Variants in ZCCHC7 observed in about 807,000 individuals in gnomAD.
The protein encoded by ZCCHC7 is zinc finger CCHC-type containing 7.
In ZCCHC7, 35 loss-of-function variants were observed where a neutral mutation model predicts 52.0. The observed-to-expected ratio is 0.67, with a 90% CI of 0.51 to 0.89. The LOEUF is 0.89. Among genes scored for constraint, ZCCHC7 ranks in the 40% least tolerant of loss-of-function variants. The pLI, the probability that ZCCHC7 is intolerant of heterozygous loss-of-function variation, is 0.00. For missense variants in ZCCHC7, 574 were observed against 649.1 expected (o/e 0.88, Z 1.26); for synonymous variants, 217 against 221.5 (o/e 0.98, Z 0.18).
intron 2 of ZCCHC7, among the ~76,000 whole-genome samples, chr9:37,198,130 G>T (rs528978115): frequency 5.9e-5 from 9 of 152,106 alleles, no homozygotes; most frequent in African/African-American, 2.2e-4. Context: ...CCTCTTACTT[G>T]TCCTAGAATC....
intron 2 of ZCCHC7, among the ~76,000 whole-genome samples, chr9:37,252,716 AG>A (rs1220118206): frequency 6.6e-6 from 1 of 152,216 alleles, no homozygotes; most frequent in Non-Finnish European, 1.5e-5. Context: ...CCCTTACGTC[AG>A]TCAGAGCTGA....
chr9:37,256,992 A>G (rs1826620849), intron 2 of ZCCHC7, among the ~76,000 whole-genome samples: 1 of 152,186 alleles, frequency 6.6e-6, no homozygotes, highest in Non-Finnish European at 1.5e-5. Context: ...AAAAGACAGA[A>G]GTTTATTGAC....
At chr9:37,234,186 A>G (rs559541207) in intron 2 of ZCCHC7, among the ~76,000 whole-genome samples, 64 of 152,070 alleles carry the variant, frequency 4.2e-4, no homozygotes, top group Non-Finnish European at 7.9e-4. Context: ...GGATTTATTG[A>G]CTCACTTAGG....
intron 2 of ZCCHC7, among the ~76,000 whole-genome samples, chr9:37,248,044 A>C (rs1826156928): frequency 6.6e-6 from 1 of 151,558 alleles, no homozygotes; most frequent in Non-Finnish European, 1.5e-5. Flanking sequence ...ATTAGAAAAC[A>C]AAAAAAAAGT....
rs74182940 is a variant in ZCCHC7, at chr9:37,303,655, C to CTTTTTTTTTTTTT, written c.655-520_655-508dup. On this transcript the variant is annotated intron_variant, in intron 3 of 8. Transcript: ENST00000336755. The stretch of plus-strand genomic sequence containing the variant: ...CACCTCCTTTTATGTTTTTCTACCT[C>CTTTTTTTTTTTTT]TTTTTTTTTTTTTTTTTTTTTTTTT... Among the ~76,000 whole-genome samples the CTTTTTTTTTTTTT allele has an allele frequency of 2.5e-4, 14 of 56,770 alleles. 1 individual carries two copies. Among genetic ancestry groups the CTTTTTTTTTTTTT allele is most frequent in the African/African-American group, 7.1e-4 (9 of 12,674 alleles). 37.2% of individuals were successfully genotyped at this position (56,770 alleles called of 152,430 possible). A position where few individuals can be genotyped will look rare whatever the true frequency, so the allele number is the denominator to read the frequency against.
intron 2 of ZCCHC7, among the ~76,000 whole-genome samples, chr9:37,299,462 A>G (rs959771924): frequency 6.6e-6 from 1 of 152,206 alleles, no homozygotes; most frequent in African/African-American, 2.4e-5. Context: ...AACACCACAC[A>G]GCAAATTAGC....
chr9:37,287,098 C>T lies in ZCCHC7; in HGVS notation c.611-15090C>T, dbSNP rs538661421. Among the ~76,000 whole-genome samples, 6 of 136,390 alleles carry T rather than the reference C, an allele frequency of 4.4e-5. No individual in the cohort carries two copies. The South Asian group carries it at 1.1e-3, about 24-fold the overall frequency. The allele number at this position is 136,390 out of a possible 152,430, so 89.5% of individuals were successfully genotyped here. A position where few individuals can be genotyped will look rare whatever the true frequency, so the allele number is the denominator to read the frequency against. On this transcript the variant is annotated intron_variant, in intron 2 of 8. Transcript: ENST00000336755. ...AGGCTGAAGTGCAGTGGTGTAATTA[C>T]TGCCCACTGCAACCTCTGCCTCCCG...
At chr9:37,146,363 A>C (rs988305512) in intron 2 of ZCCHC7, among the ~76,000 whole-genome samples, 5 of 151,874 alleles carry the variant, frequency 3.3e-5, no homozygotes, top group African/African-American at 1.2e-4. Context: ...CTGAGGAAAC[A>C]CTTTTCTACA....
chr9:37,279,838 G>T (rs1056674422), intron 2 of ZCCHC7, among the ~76,000 whole-genome samples: 1 of 151,796 alleles, frequency 6.6e-6, no homozygotes, highest in Non-Finnish European at 1.5e-5. Flanking sequence ...TTGAGACTAG[G>T]AATAGTAGTA....
At chr9:37,278,020 G>T (rs1277215882) in intron 2 of ZCCHC7, among the ~76,000 whole-genome samples, 1 of 88,002 alleles carries the variant, frequency 1.1e-5, no homozygotes, top group Non-Finnish European at 2.6e-5. Context: ...TTGTTTGTGT[G>T]TGTGTGTGTG....
chr9:37,307,977 G>A (rs1360733396), intron 5 of ZCCHC7, among the ~76,000 whole-genome samples: 1 of 152,154 alleles, frequency 6.6e-6, no homozygotes, highest in African/African-American at 2.4e-5. Flanking sequence ...TTGTACCAAT[G>A]TATCTACCTA....
intron 2 of ZCCHC7, among the ~76,000 whole-genome samples, chr9:37,147,137 A>G (rs1352211402): frequency 1.3e-5 from 2 of 151,972 alleles, no homozygotes; most frequent in African/African-American, 4.8e-5. Context: ...TGAATTATAT[A>G]TATCAATTTA....
chr9:37,145,683 A>G (rs572220925), intron 2 of ZCCHC7, among the ~76,000 whole-genome samples: 29 of 152,014 alleles, frequency 1.9e-4, no homozygotes, highest in African/African-American at 6.7e-4. Flanking sequence ...AGCATACCCA[A>G]CTTTTAAAAC....
At chr9:37,286,769 T>C (rs1163271686) in intron 2 of ZCCHC7, among the ~76,000 whole-genome samples, 2 of 151,104 alleles carry the variant, frequency 1.3e-5, no homozygotes, top group Non-Finnish European at 3.0e-5. Flanking sequence ...TTTTTATTAA[T>C]TTAATCTTGA....
At chr9:37,238,840 G>C (rs1016848693) in intron 2 of ZCCHC7, among the ~76,000 whole-genome samples, 1 of 152,148 alleles carries the variant, frequency 6.6e-6, no homozygotes, top group African/African-American at 2.4e-5. Context: ...TAGTTGCAAA[G>C]TTGTAGTAGG....
At chr9:37,200,472 A>C (rs905292214) in intron 2 of ZCCHC7, among the ~76,000 whole-genome samples, 2 of 152,148 alleles carry the variant, frequency 1.3e-5, no homozygotes, top group African/African-American at 4.8e-5. Flanking sequence ...GCTGTTCTCC[A>C]TCACCATCAT....
At chr9:37,149,520 T>C (rs1486837725) in intron 2 of ZCCHC7, among the ~76,000 whole-genome samples, 1 of 152,104 alleles carries the variant, frequency 6.6e-6, no homozygotes, top group African/African-American at 2.4e-5. Flanking sequence ...TTGAAGTCTC[T>C]CCAGGCTTTT....
At chr9:37,341,208 G>T (rs1164709050) in intron 6 of ZCCHC7, among the ~76,000 whole-genome samples, 1 of 152,150 alleles carries the variant, frequency 6.6e-6, no homozygotes, top group Non-Finnish European at 1.5e-5. Flanking sequence ...TTCTCAGTGT[G>T]AAGTAGGGGA....
intron 6 of ZCCHC7, among the ~76,000 whole-genome samples, chr9:37,333,125 A>G (rs896137537): frequency 1.3e-5 from 2 of 151,712 alleles, no homozygotes; most frequent in Admixed American, 1.3e-4. Flanking sequence ...TCCTTGCATT[A>G]ATATATTTAG....
Sources: allele counts gnomAD v4.1 joint callset (sites outside exome capture counted in the v4.1 genomes callset), GRCh38; gene constraint gnomAD v4.1.1; transcripts MANE v1.5; gene names NCBI Gene and HGNC (gene_info 2026-07-23, HGNC 2026-07-21).